The following MYT1L variants were observed in gnomAD, a reference collection of about 807,000 sequenced individuals.
The protein encoded by MYT1L is myelin transcription factor 1-like protein.
In MYT1L, 12 loss-of-function variants were observed where a neutral mutation model predicts 126.7. That is an observed-to-expected ratio of 0.09 (90% CI 0.06 to 0.15). MYT1L has a LOEUF of 0.15. Among genes scored for constraint, MYT1L ranks in the 10% least tolerant of loss-of-function variants. The probability of loss-of-function intolerance (pLI) is 1.00; values close to 1 mark genes in which losing one functional copy is unlikely to be tolerated. For missense variants in MYT1L, 979 were observed against 1,585.2 expected (o/e 0.62, Z 6.49); for synonymous variants, 541 against 604.2 (o/e 0.90, Z 1.53).
At chr2:2,315,458 T>G (rs1448901630) in intron 1 of MYT1L, among the ~76,000 whole-genome samples, 1 of 152,222 alleles carries the variant, frequency 6.6e-6, no homozygotes, top group Non-Finnish European at 1.5e-5. Flanking sequence ...TGAATATGTT[T>G]ACTTATTTTA....
chr2:1,863,665 C>T (rs11679826), intron 18 of MYT1L, among the ~76,000 whole-genome samples: 5 of 135,624 alleles, frequency 3.7e-5, no homozygotes, highest in African/African-American at 5.4e-5. Flanking sequence ...GGGATAGAAA[C>T]GGTATGTGCC....
rs531959035 is a variant in MYT1L, at chr2:2,120,424, C to T, written c.-304+52448G>A. 2.0e-5 allele frequency among the ~76,000 whole-genome samples: 3 copies of T among 152,240 alleles called. No individual in the cohort carries two copies. The South Asian group carries it at 6.2e-4, about 32-fold the overall frequency. On this transcript the variant is annotated intron_variant, in intron 3 of 24. Coordinates refer to ENST00000647738, the MANE Select transcript of MYT1L (RefSeq NM_001303052.2). ...TGTTTCAAAAATAGTACTTACCTCTCTGCTTGTCTCTTCTTTCCACTACAT... is the reference window on the plus strand; with the variant it reads ...TGTTTCAAAAATAGTACTTACCTCTTTGCTTGTCTCTTCTTTCCACTACAT...
intron 2 of MYT1L, among the ~76,000 whole-genome samples, chr2:2,279,362 G>T (rs1352663822): frequency 6.6e-6 from 1 of 150,966 alleles, no homozygotes; most frequent in Non-Finnish European, 1.5e-5. Flanking sequence ...GTATTATAAT[G>T]ATTAAGCCAT....
chr2:2,299,141 C>T (rs183745261), intron 1 of MYT1L, among the ~76,000 whole-genome samples: 40 of 152,304 alleles, frequency 2.6e-4, no homozygotes, highest in Admixed American at 1.7e-3. Context: ...CGTGAGCCAC[C>T]GAGCCCTGCC....
At chr2:1,919,736 T>C (rs2053324319) in intron 10 of MYT1L, among the ~76,000 whole-genome samples, 1 of 152,182 alleles carries the variant, frequency 6.6e-6, no homozygotes, top group East Asian at 1.9e-4. Flanking sequence ...TTTAATATTA[T>C]TTTATTTTTT....
chr2:2,266,150 T>A (rs189565009), intron 2 of MYT1L, among the ~76,000 whole-genome samples: 381 of 152,286 alleles, frequency 2.5e-3, no homozygotes, highest in Non-Finnish European at 4.1e-3. Context: ...GCAGGTTCTA[T>A]CTCCATTTTA....
chr2:2,042,342 T>C (rs2067650466), intron 4 of MYT1L, among the ~76,000 whole-genome samples: 2 of 152,206 alleles, frequency 1.3e-5, no homozygotes, highest in Admixed American at 1.3e-4. Flanking sequence ...CCACCATAAA[T>C]TGAAGAGCAT....
chr2:1,816,410 GC>G (rs2037646525), intron 21 of MYT1L: 1 of 152,628 alleles, frequency 6.6e-6, no homozygotes, highest in East Asian at 1.9e-4. Flanking sequence ...GTTCCCAGAA[GC>G]TTTGGGCCCC....
intron 18 of MYT1L, among the ~76,000 whole-genome samples, chr2:1,873,564 A>G (rs2046509059): frequency 6.6e-6 from 1 of 152,176 alleles, no homozygotes. Context: ...CAGCATTAAT[A>G]AGAATGACTG....
chr2:2,256,103 C>G (rs536576574), intron 2 of MYT1L, among the ~76,000 whole-genome samples: 4 of 152,216 alleles, frequency 2.6e-5, no homozygotes, highest in Non-Finnish European at 5.9e-5. Context: ...ACCATCTTCA[C>G]TCGCGTCGGG....
At chr2:2,251,105 C>G (rs2094635879) in intron 2 of MYT1L, among the ~76,000 whole-genome samples, 1 of 152,082 alleles carries the variant, frequency 6.6e-6, no homozygotes, top group Non-Finnish European at 1.5e-5. Flanking sequence ...ATGATAAAAG[C>G]TATTACCTCT....
At chr2:2,187,301 A>G (rs1270296404) in intron 2 of MYT1L, among the ~76,000 whole-genome samples, 1 of 152,050 alleles carries the variant, frequency 6.6e-6, no homozygotes, top group Non-Finnish European at 1.5e-5. Flanking sequence ...AATTACTGGC[A>G]CTCCAGCAAT....
intron 2 of MYT1L, among the ~76,000 whole-genome samples, chr2:2,252,642 G>C (rs2094684157): frequency 6.6e-6 from 1 of 152,172 alleles, no homozygotes; most frequent in African/African-American, 2.4e-5. Flanking sequence ...GGGTGTTGAA[G>C]GGGGAAGACA....
At chr2:1,920,746 G>T (rs535111721) in intron 10 of MYT1L, among the ~76,000 whole-genome samples, 1 of 152,178 alleles carries the variant, frequency 6.6e-6, no homozygotes, top group Non-Finnish European at 1.5e-5. Flanking sequence ...TCTTGTTAAC[G>T]ATGATGGCAC....
At chr2:2,269,299 G>T (rs1220693250) in intron 2 of MYT1L, among the ~76,000 whole-genome samples, 1 of 152,194 alleles carries the variant, frequency 6.6e-6, no homozygotes, top group East Asian at 1.9e-4. Context: ...TGTATTCTCA[G>T]GCTGTGCGCT....
intron 1 of MYT1L, chr2:2,303,939 G>C (rs2095823224): frequency 6.6e-6 from 1 of 152,202 alleles, no homozygotes; most frequent in Non-Finnish European, 1.5e-5. Context: ...AACCACAGTT[G>C]TCCCAGCTGC....
chr2:2,252,260 C>A (rs2094674275), intron 2 of MYT1L, among the ~76,000 whole-genome samples: 1 of 152,156 alleles, frequency 6.6e-6, no homozygotes, highest in Non-Finnish European at 1.5e-5. Flanking sequence ...GTCCCGACTA[C>A]CCTTTTAACT....
chr2:2,185,891 G>A (rs1446520662), intron 2 of MYT1L, among the ~76,000 whole-genome samples: 1 of 122,816 alleles, frequency 8.1e-6, no homozygotes, highest in Non-Finnish European at 1.7e-5. Context: ...TGAGGGGGAC[G>A]CAGCCGGGCC....
At chr2:1,925,136 G>A (rs143652346) in intron 9 of MYT1L, among the ~76,000 whole-genome samples, 79 of 152,288 alleles carry the variant, frequency 5.2e-4, no homozygotes, top group African/African-American at 1.8e-3. Context: ...CCACATGTTG[G>A]AGCATTTTGA....
Sources: allele counts gnomAD v4.1 joint callset (sites outside exome capture counted in the v4.1 genomes callset), GRCh38; gene constraint gnomAD v4.1.1; transcripts MANE v1.5; gene names NCBI Gene and HGNC (gene_info 2026-07-23, HGNC 2026-07-21).